Variants in DCUN1D5 observed in about 807,000 individuals in gnomAD.
DCUN1D5 encodes defective in cullin neddylation 1 domain containing 5.
DCUN1D5 carries 10 observed loss-of-function variants against 38.3 expected under a neutral mutation model. That is an observed-to-expected ratio of 0.26 (90% confidence interval 0.16 to 0.44). The LOEUF is 0.44. DCUN1D5 is among the 20% of genes least tolerant of loss of function. DCUN1D5 has a pLI of 1.00. For missense variants in DCUN1D5, 148 were observed against 275.3 expected, an observed-to-expected ratio of 0.54 and a Z score of 3.27; for synonymous variants, 93 against 90.9, an observed-to-expected ratio of 1.02 and a Z score of -0.13.
At position 103,086,008 on chromosome 11, in the gene DCUN1D5, G is replaced by A. The variant is rs765925210; in HGVS notation, c.179-2682C>T. ...CACTCAAGAATGAGGTCTTGTGAAA[G>A]AACAAAACCAACAGCCTTATCACAC... On this transcript the variant is annotated intron_variant, in intron 2 of 7. Coordinates refer to ENST00000260247, the MANE Select transcript of DCUN1D5 (RefSeq NM_032299.4). The surrounding 1 kb of genome is among the most constrained non-coding windows in gnomAD (Gnocchi z 4.1). 6.6e-6 allele frequency among the ~76,000 whole-genome samples: 1 copy of A among 152,092 alleles called. No individual in the cohort carries two copies. The highest frequency in any genetic ancestry group is 6.5e-5 in the Admixed American group (1 of 15,272).
intron 4 of DCUN1D5, among the ~76,000 whole-genome samples, chr11:103,079,515 G>A (rs1342457726): frequency 6.6e-6 from 1 of 152,174 alleles, no homozygotes; most frequent in Non-Finnish European, 1.5e-5. Context: ...AGGATCACTT[G>A]AGCCCAGGAG....
rs1164658419 is a variant in DCUN1D5 at position 103,061,762 on chromosome 11, A to AGAT, written c.*594_*596dup. Among the ~76,000 whole-genome samples, 1 of 152,098 alleles carries AGAT rather than the reference A, an allele frequency of 6.6e-6. No individual in the cohort carries two copies. Among genetic ancestry groups the AGAT allele is most frequent in the Non-Finnish European group, 1.5e-5 (1 of 67,980 alleles). On this transcript the variant is annotated 3_prime_UTR_variant, in exon 8 of 8. Transcript: ENST00000260247. ...AATCTTTCCAATTCTAAGCTCTCTG[A>AGAT]GATAAGACATCTGCATAAGACCTTG...
At position 103,071,479 on chromosome 11, in the gene DCUN1D5, G is replaced by A. The variant is rs1187127188; in HGVS notation, c.342-4912C>T. ...CTACACATATAAAGATTTTTATACA[G>A]GTATAATCTATATATAATTTTATAT... On this transcript the variant is annotated intron_variant, in intron 4 of 7. Coordinates refer to ENST00000260247, the MANE Select transcript of DCUN1D5 (RefSeq NM_032299.4). The surrounding 1 kb of genome is among the most constrained non-coding windows in gnomAD (Gnocchi z 4.1). Among the ~76,000 whole-genome samples, 1 of 149,314 alleles carries A rather than the reference G, an allele frequency of 6.7e-6. No homozygotes were observed. Among genetic ancestry groups the A allele is most frequent in the Non-Finnish European group, 1.5e-5 (1 of 67,282 alleles).
chr11:103,072,377 G>C (rs1862299689), intron 4 of DCUN1D5, among the ~76,000 whole-genome samples: 1 of 151,774 alleles, frequency 6.6e-6, no homozygotes, highest in African/African-American at 2.4e-5. Context: ...ACTAGAACTA[G>C]AAATACCATT....
chr11:103,063,886 T>G lies in DCUN1D5; in HGVS notation c.658+389A>C, dbSNP rs1862073692. On this transcript the variant is annotated intron_variant, in intron 7 of 7. Transcript: ENST00000260247. The surrounding 1 kb of genome is among the most constrained non-coding windows in gnomAD (Gnocchi z 4.6). Reference sequence around the variant, plus strand: ...CATATTGTTAATGGGTAGCATAATATTACAATAATGTTAAAGCTTTTTCTA... The same window carrying G: ...CATATTGTTAATGGGTAGCATAATAGTACAATAATGTTAAAGCTTTTTCTA... Among the ~76,000 whole-genome samples, 1 of 152,164 alleles carries G rather than the reference T, an allele frequency of 6.6e-6. No homozygotes were observed.
At chr11:103,076,447 A>C (rs1436827826) in intron 4 of DCUN1D5, among the ~76,000 whole-genome samples, 2 of 152,194 alleles carry the variant, frequency 1.3e-5, no homozygotes, top group African/African-American at 2.4e-5. Context: ...TGGGTACACA[A>C]AGTTACTATC....
chr11:103,089,294 A>G lies in DCUN1D5; in HGVS notation c.111T>C (p.Ala37=). 1.2e-6 allele frequency: 2 copies of G among 1,610,464 alleles called. No individual in the cohort carries two copies. Among genetic ancestry groups the G allele is most frequent in the Non-Finnish European group, 1.7e-6 (2 of 1,177,492 alleles). The part of the protein sequence containing the change: ...ISSYCRSQPP[A]RLISGEEHFS... ...AATGTTCCTCTCCACTTATTAGTCT[A>G]GCAGGGGGTTGGGATCTGCAATAGC... is the stretch of plus-strand genomic sequence containing the variant. Residue 37 remains alanine, a synonymous_variant, in exon 2 of 8, where the codon GCT becomes GCC. Transcript: ENST00000260247.
Position 103,062,483 on chromosome 11 carries a change from C to T in DCUN1D5, c.659-69G>A, listed in dbSNP as rs1862038266. 8 of 1,364,434 alleles carry T rather than the reference C, an allele frequency of 5.9e-6. No homozygotes were observed. The highest frequency in any genetic ancestry group is 3.6e-4 in the Middle Eastern group (2 of 5,512). 84.5% of individuals were successfully genotyped at this position (1,364,434 alleles called of 1,614,324 possible). On this transcript the variant is annotated intron_variant, in intron 7 of 7. Transcript: ENST00000260247. The surrounding 1 kb of genome is among the most constrained non-coding windows in gnomAD (Gnocchi z 4.6). ...TCTCTCCAATTATAAAACAAACTCC[C>T]CACGAGCTCTGCAATGACAGAGGAA...
In DCUN1D5 at chr11:103,061,189, T is replaced by C. The variant is rs184021207; in HGVS notation, c.*1170A>G. On this transcript the variant is annotated 3_prime_UTR_variant, in exon 8 of 8. Coordinates refer to ENST00000260247, the MANE Select transcript of DCUN1D5 (RefSeq NM_032299.4). The stretch of plus-strand genomic sequence containing the variant: ...AATCAACCTTTACCTTAAATCCTAA[T>C]AGAAACACTCCCTTATTATGGAAAA... Among the ~76,000 whole-genome samples the C allele has an allele frequency of 3.9e-5, 6 of 152,310 alleles. No individual in the cohort carries two copies. The highest frequency in any genetic ancestry group is 1.9e-4 in the East Asian group (1 of 5,186).
In DCUN1D5 at chr11:103,087,542, A is replaced by G. The variant is rs1384895854; in HGVS notation, c.178+1685T>C. On this transcript the variant is annotated intron_variant, in intron 2 of 7. Coordinates refer to ENST00000260247, the MANE Select transcript of DCUN1D5 (RefSeq NM_032299.4). This position sits in a 1 kb window ranked among gnomAD's most constrained non-coding sequence, Gnocchi z 4.1. Reference sequence around the variant, plus strand: ...GCACATGCCTATATTCCCACCTACTAGAAAGGCTGAGGTGGGAGGATGGCC... The same window carrying G: ...GCACATGCCTATATTCCCACCTACTGGAAAGGCTGAGGTGGGAGGATGGCC... Among the ~76,000 whole-genome samples, 1 of 152,126 alleles carries G rather than the reference A, an allele frequency of 6.6e-6. No homozygotes were observed. The highest frequency in any genetic ancestry group is 1.5e-5 in the Non-Finnish European group (1 of 68,014).
At chr11:103,090,762 A>G (rs1485871371) in intron 1 of DCUN1D5, among the ~76,000 whole-genome samples, 1 of 152,128 alleles carries the variant, frequency 6.6e-6, no homozygotes, top group African/African-American at 2.4e-5. Flanking sequence ...AATACAAAAA[A>G]TTAGCAGGGC....
rs1217624085 is a variant in DCUN1D5 at position 103,065,866 on chromosome 11, T to C, written c.555+403A>G. Among the ~76,000 whole-genome samples, 1 of 152,168 alleles carries C rather than the reference T, an allele frequency of 6.6e-6. No individual in the cohort carries two copies. Among genetic ancestry groups the C allele is most frequent in the African/African-American group, 2.4e-5 (1 of 41,438 alleles). Reference sequence around the variant, plus strand: ...CCTAAGTAGAAAAGGAAAGTTTTATTACTAAATTGGTTCTCTTATGTACAT... The same window carrying C: ...CCTAAGTAGAAAAGGAAAGTTTTATCACTAAATTGGTTCTCTTATGTACAT... On this transcript the variant is annotated intron_variant, in intron 6 of 7. Coordinates refer to ENST00000260247, the MANE Select transcript of DCUN1D5 (RefSeq NM_032299.4). The surrounding 1 kb of genome is among the most constrained non-coding windows in gnomAD (Gnocchi z 4.6).
At chr11:103,090,063 C>T (rs1362659879) in intron 1 of DCUN1D5, among the ~76,000 whole-genome samples, 3 of 151,950 alleles carry the variant, frequency 2.0e-5, no homozygotes, top group African/African-American at 4.8e-5. Context: ...AATAATTACC[C>T]TACCACAATG....
intron 4 of DCUN1D5, among the ~76,000 whole-genome samples, chr11:103,082,192 A>G (rs959371869): frequency 5.3e-5 from 8 of 152,148 alleles, no homozygotes; most frequent in African/African-American, 1.9e-4. Flanking sequence ...GTTCAAAGAC[A>G]GGATCCTAAA....
rs1862017352 is a variant in DCUN1D5 at position 103,061,777 on chromosome 11, A to G, written c.*582T>C. ...AAGCTCTCTGAGATAAGACATCTGC[A>G]TAAGACCTTGGCAGCTTTTATAGAA... is the stretch of plus-strand genomic sequence containing the variant. On this transcript the variant is annotated 3_prime_UTR_variant, in exon 8 of 8. Transcript: ENST00000260247. Among the ~76,000 whole-genome samples the G allele has an allele frequency of 1.3e-5, 2 of 152,100 alleles. No individual in the cohort carries two copies. Among genetic ancestry groups the G allele is most frequent in the African/African-American group, 4.8e-5 (2 of 41,430 alleles).
rs1861912177 is a variant in DCUN1D5, at chr11:103,057,852, A to G, written c.*4507T>C. On this transcript the variant is annotated 3_prime_UTR_variant, in exon 8 of 8. Coordinates refer to ENST00000260247, the MANE Select transcript of DCUN1D5 (RefSeq NM_032299.4). The surrounding 1 kb of genome is among the most constrained non-coding windows in gnomAD (Gnocchi z 4.8). ...ATTTATTAGCTTTTTAAAATCCACA[A>G]TTTTAACCTCATACTTAAAACCAAA... Among the ~76,000 whole-genome samples the G allele has an allele frequency of 6.6e-6, 1 of 152,306 alleles. No homozygotes were observed. The highest frequency in any genetic ancestry group is 2.4e-5 in the African/African-American group (1 of 41,558).
intron 4 of DCUN1D5, among the ~76,000 whole-genome samples, chr11:103,081,322 AAC>A (rs1386836436): frequency 2.6e-5 from 4 of 152,214 alleles, no homozygotes; most frequent in Non-Finnish European, 4.4e-5. Context: ...ATTTTAGTAA[AAC>A]ACACTGAGTT....
chr11:103,057,363 C>G lies in DCUN1D5; in HGVS notation c.*4996G>C, dbSNP rs1172965990. Among the ~76,000 whole-genome samples the G allele has an allele frequency of 6.6e-6, 1 of 151,836 alleles. No homozygotes were observed. The highest frequency in any genetic ancestry group is 1.9e-4 in the East Asian group (1 of 5,176). ...CAACAGCAAATTTTTTTTTGACCTT[C>G]AAAATATGTGAGGAGCTTTTATCTG... On this transcript the variant is annotated 3_prime_UTR_variant, in exon 8 of 8. Coordinates refer to ENST00000260247, the MANE Select transcript of DCUN1D5 (RefSeq NM_032299.4). The surrounding 1 kb of genome is among the most constrained non-coding windows in gnomAD (Gnocchi z 4.8).
intron 4 of DCUN1D5, among the ~76,000 whole-genome samples, chr11:103,067,649 G>A (rs1862166374): frequency 6.6e-6 from 1 of 152,084 alleles, no homozygotes; most frequent in Non-Finnish European, 1.5e-5. Flanking sequence ...ATAATGCAAA[G>A]GCCTATAATG....
Sources: allele counts gnomAD v4.1 joint callset (sites outside exome capture counted in the v4.1 genomes callset), GRCh38; gene constraint gnomAD v4.1.1; non-coding constraint Gnocchi (gnomAD v3.1); transcripts MANE v1.5; gene names NCBI Gene and HGNC (gene_info 2026-07-23, HGNC 2026-07-21).